Variants in ZFPM2 observed in about 807,000 individuals in gnomAD.
ZFPM2 encodes the protein zinc finger protein ZFPM2.
In ZFPM2, 20 loss-of-function variants were observed where a neutral mutation model predicts 98.6. The observed-to-expected ratio is 0.20, with a 90% CI of 0.14 to 0.29. The LOEUF (loss-of-function observed/expected upper bound fraction) is 0.29, where lower values mean the gene tolerates loss of function less well. ZFPM2 is among the 10% of genes least tolerant of loss of function. The pLI is 1.00. For synonymous variants in ZFPM2, 518 were observed against 502.7 expected, an observed-to-expected ratio of 1.03 and a Z score of -0.41; for missense variants, 1,310 against 1,388.6, an observed-to-expected ratio of 0.94 and a Z score of 0.90.
intron 1 of ZFPM2, among the ~76,000 whole-genome samples, chr8:105,411,370 G>A (rs1208750057): frequency 1.3e-5 from 2 of 151,642 alleles, no homozygotes; most frequent in African/African-American, 4.8e-5. Flanking sequence ...CTCCTTAACT[G>A]GATTATCCAC....
chr8:105,752,597 T>G (rs1645765209), intron 5 of ZFPM2, among the ~76,000 whole-genome samples: 1 of 152,194 alleles, frequency 6.6e-6, no homozygotes, highest in African/African-American at 2.4e-5. Context: ...CGTTCATAAT[T>G]TATCATAATC....
chr8:105,345,702 T>G (rs1178873569), intron 1 of ZFPM2, among the ~76,000 whole-genome samples: 1 of 152,168 alleles, frequency 6.6e-6, no homozygotes, highest in African/African-American at 2.4e-5. Flanking sequence ...TCTTTATGTG[T>G]CTCTATTGTT....
chr8:105,565,123 C>T (rs1391842688), intron 4 of ZFPM2, among the ~76,000 whole-genome samples: 2 of 152,072 alleles, frequency 1.3e-5, no homozygotes, highest in East Asian at 3.9e-4. Context: ...AATTGAGTCA[C>T]CATGCCAGAT....
intron 1 of ZFPM2, among the ~76,000 whole-genome samples, chr8:105,382,111 T>G (rs369461802): frequency 3.0e-4 from 45 of 152,244 alleles, no homozygotes; most frequent in African/African-American, 9.9e-4. Context: ...GTTGAAATTT[T>G]TATAATATTA....
chr8:105,772,935 A>G (rs1017586715), intron 5 of ZFPM2, among the ~76,000 whole-genome samples: 1 of 152,154 alleles, frequency 6.6e-6, no homozygotes, highest in African/African-American at 2.4e-5. Context: ...TGGGCACGTG[A>G]GTTGAATGCA....
chr8:105,689,929 C>T (rs535299225), intron 5 of ZFPM2, among the ~76,000 whole-genome samples: 1 of 152,284 alleles, frequency 6.6e-6, no homozygotes, highest in East Asian at 1.9e-4. Flanking sequence ...AAAAGTGAAA[C>T]AGATGATTTA....
At chr8:105,455,720 A>G (rs1415973267) in intron 3 of ZFPM2, among the ~76,000 whole-genome samples, 2 of 152,202 alleles carry the variant, frequency 1.3e-5, no homozygotes, top group Non-Finnish European at 2.9e-5. Flanking sequence ...GTGTCATTAT[A>G]TGTGGCTTTC....
intron 4 of ZFPM2, among the ~76,000 whole-genome samples, chr8:105,620,292 G>A (rs1300650470): frequency 1.3e-5 from 2 of 152,130 alleles, no homozygotes; most frequent in Non-Finnish European, 2.9e-5. Context: ...GTGATGATGA[G>A]CATTTTTTCA....
chr8:105,680,118 G>A lies in ZFPM2; in HGVS notation c.532+45761G>A, dbSNP rs2119834. 9.2e-3 allele frequency among the ~76,000 whole-genome samples: 1,397 copies of A among 152,208 alleles called. 24 individuals are homozygous for A. The highest frequency in any genetic ancestry group is 0.046 in the Admixed American group (697 of 15,290). On this transcript the variant is annotated intron_variant, in intron 5 of 7. Coordinates refer to ENST00000407775, the MANE Select transcript of ZFPM2 (RefSeq NM_012082.4). ...GAAAATATTTTGAAACAAAATATTT[G>A]TCAAGAAGCTACTTGTATTAGCTTG...
chr8:105,793,350 A>C (rs1440151712), intron 6 of ZFPM2, among the ~76,000 whole-genome samples: 1 of 152,046 alleles, frequency 6.6e-6, no homozygotes, highest in Admixed American at 6.5e-5. Context: ...TATGAAGCTT[A>C]GTTTGGCTGG....
intron 3 of ZFPM2, among the ~76,000 whole-genome samples, chr8:105,539,905 G>C (rs1459526688): frequency 6.6e-6 from 1 of 152,066 alleles, no homozygotes; most frequent in African/African-American, 2.4e-5. Context: ...TCTGTCCAAA[G>C]AATTTGGGCT....
chr8:105,651,324 C>T (rs556970657), intron 5 of ZFPM2, among the ~76,000 whole-genome samples: 16 of 151,976 alleles, frequency 1.1e-4, no homozygotes, highest in Admixed American at 4.6e-4. Flanking sequence ...AAAAATTAGC[C>T]GGGTGTGGTG....
At chr8:105,716,446 A>G (rs1811526361) in intron 5 of ZFPM2, among the ~76,000 whole-genome samples, 2 of 152,064 alleles carry the variant, frequency 1.3e-5, no homozygotes, top group Non-Finnish European at 1.5e-5. Flanking sequence ...ATATATCTAC[A>G]TATGTTTACA....
intron 5 of ZFPM2, among the ~76,000 whole-genome samples, chr8:105,747,996 C>G (rs1404573614): frequency 6.6e-6 from 1 of 152,044 alleles, no homozygotes; most frequent in East Asian, 1.9e-4. Context: ...GCATTTGTAT[C>G]TTTTTGTAGG....
chr8:105,795,001 A>C (rs1387450526), intron 6 of ZFPM2, among the ~76,000 whole-genome samples: 1 of 152,108 alleles, frequency 6.6e-6, no homozygotes, highest in Non-Finnish European at 1.5e-5. Context: ...TTCTTTGACT[A>C]GGAAAGGGAA....
intron 1 of ZFPM2, among the ~76,000 whole-genome samples, chr8:105,405,263 C>CT (rs950684019): frequency 2.0e-5 from 3 of 151,764 alleles, no homozygotes; most frequent in Non-Finnish European, 2.9e-5. Context: ...TCCACTCTTT[C>CT]TTTTTTTGAT....
At chr8:105,625,619 A>G (rs1484856599) in intron 4 of ZFPM2, among the ~76,000 whole-genome samples, 1 of 150,284 alleles carries the variant, frequency 6.7e-6, no homozygotes, top group Non-Finnish European at 1.5e-5. Context: ...TCACTCTTAT[A>G]CCCCAGGCTG....
At chr8:105,791,147 C>G (rs370409004) in intron 6 of ZFPM2, among the ~76,000 whole-genome samples, 2 of 152,120 alleles carry the variant, frequency 1.3e-5, no homozygotes, top group African/African-American at 2.4e-5. Flanking sequence ...AGTGGTGAGA[C>G]AGGGCATCCC....
At chr8:105,765,881 T>C (rs1335547202) in intron 5 of ZFPM2, among the ~76,000 whole-genome samples, 1 of 151,942 alleles carries the variant, frequency 6.6e-6, no homozygotes, top group East Asian at 1.9e-4. Flanking sequence ...ATTTTTGTCC[T>C]CTAATTTGTA....
Sources: gnomAD v4.1 joint callset for allele counts (sites outside exome capture counted in the v4.1 genomes callset) on GRCh38, gnomAD v4.1.1 for gene constraint, MANE v1.5 for transcripts, NCBI Gene and HGNC (gene_info 2026-07-23, HGNC 2026-07-21) for gene names.